Variants in KIAA1549L observed in about 807,000 individuals in gnomAD.
KIAA1549L encodes the protein UPF0606 protein KIAA1549L.
In KIAA1549L, 88 loss-of-function variants were observed where a neutral mutation model predicts 160.7. That is an observed-to-expected ratio of 0.55 (90% confidence interval 0.46 to 0.65). The LOEUF is 0.65. KIAA1549L is among the 30% of genes least tolerant of loss of function. KIAA1549L has a pLI of 0.00. For missense variants in KIAA1549L, 2,258 were observed against 2,437.5 expected, an observed-to-expected ratio of 0.93 and a Z score of 1.55; for synonymous variants, 950 against 976.7, an observed-to-expected ratio of 0.97 and a Z score of 0.51.
At chr11:33,515,220 CTCTT>C (rs2133113447) in intron 1 of KIAA1549L, among the ~76,000 whole-genome samples, 1 of 152,332 alleles carries the variant, frequency 6.6e-6, no homozygotes, top group South Asian at 2.1e-4. Flanking sequence ...CAGCTAATAT[CTCTT>C]TCTCTTCTTA....
At position 33,668,417 on chromosome 11, in the gene KIAA1549L, G is replaced by C; in HGVS notation, c.*263G>C. 5.9e-6 allele frequency: 3 copies of C among 510,334 alleles called. No homozygotes were observed. The highest frequency in any genetic ancestry group is 1.1e-5 in the Non-Finnish European group (3 of 284,680). The allele number at this position is 510,334 out of a possible 1,614,324, so 31.6% of individuals were successfully genotyped here. A position where few individuals can be genotyped will look rare whatever the true frequency, so the allele number is the denominator to read the frequency against. On this transcript the variant is annotated 3_prime_UTR_variant, in exon 21 of 21. Transcript: ENST00000658780. ...TCTCATGTCAAATGTTTGAACTTTG[G>C]GCATGTGCCCTATGGAAGCTTAGTC...
Position 33,542,726 on chromosome 11 carries a change from A to G in KIAA1549L, c.1163A>G (p.Gln388Arg). Residue 388 changes from glutamine to arginine, a missense_variant, in exon 2 of 21, where the codon CAG becomes CGG. Physicochemically the swap from Gln to Arg is conservative, Grantham distance 43. Transcript: ENST00000658780. ...EVASGPASTQ[Q>R]IKAGVPGRVH... The stretch of plus-strand genomic sequence containing the variant: ...GCTTCAGGTCCTGCATCCACCCAGC[A>G]GATCAAAGCTGGGGTGCCTGGAAGA... 6.2e-7 allele frequency: 1 copy of G among 1,614,046 alleles called. No individual in the cohort carries two copies. Among genetic ancestry groups the G allele is most frequent in the Non-Finnish European group, 8.5e-7 (1 of 1,179,876 alleles).
chr11:33,641,570 C>CTG (rs1487315470), intron 16 of KIAA1549L, among the ~76,000 whole-genome samples: 1 of 55,906 alleles, frequency 1.8e-5, no homozygotes, highest in East Asian at 6.0e-4. Context: ...GGTAATGGAT[C>CTG]TGTATATATA....
At chr11:33,660,028 G>T (rs112406583) in intron 19 of KIAA1549L, among the ~76,000 whole-genome samples, 3,451 of 152,352 alleles carry the variant, frequency 0.023, 161 homozygotes, top group South Asian at 0.13. Context: ...AGGCCTAGTG[G>T]GCGGGGTGCT....
intron 1 of KIAA1549L, among the ~76,000 whole-genome samples, chr11:33,461,684 C>T (rs1055029494): frequency 3.9e-5 from 6 of 152,200 alleles, no homozygotes; most frequent in Non-Finnish European, 5.9e-5. Flanking sequence ...ATAATAAAAT[C>T]AGCCAACATT....
chr11:33,629,406 C>G (rs1851211865), intron 16 of KIAA1549L, among the ~76,000 whole-genome samples: 1 of 152,188 alleles, frequency 6.6e-6, no homozygotes, highest in South Asian at 2.1e-4. Flanking sequence ...TCCATTCTCC[C>G]CATGACTTTC....
At chr11:33,561,949 A>T (rs566964434) in intron 8 of KIAA1549L, among the ~76,000 whole-genome samples, 1 of 152,392 alleles carries the variant, frequency 6.6e-6, no homozygotes. Flanking sequence ...AATTCAAAAC[A>T]GCTTTCAAGT....
chr11:33,584,494 G>A (rs1380430501), intron 11 of KIAA1549L, among the ~76,000 whole-genome samples: 7 of 152,192 alleles, frequency 4.6e-5, no homozygotes, highest in African/African-American at 1.7e-4. Flanking sequence ...AAATGGACTA[G>A]GACATGCTGC....
chr11:33,453,889 C>G (rs2132979751), intron 1 of KIAA1549L, among the ~76,000 whole-genome samples: 1 of 152,282 alleles, frequency 6.6e-6, no homozygotes, highest in Middle Eastern at 3.4e-3. Context: ...CAGTTGCACC[C>G]TTCCAGGTGA....
At chr11:33,520,565 A>G (rs560436635) in intron 1 of KIAA1549L, among the ~76,000 whole-genome samples, 10 of 152,274 alleles carry the variant, frequency 6.6e-5, no homozygotes, top group African/African-American at 2.4e-4. Flanking sequence ...GCATTAACAA[A>G]ACAATAGCTA....
At chr11:33,625,541 G>C (rs907108726) in intron 16 of KIAA1549L, among the ~76,000 whole-genome samples, 1 of 152,106 alleles carries the variant, frequency 6.6e-6, no homozygotes, top group African/African-American at 2.4e-5. Context: ...GTGTTTTTTG[G>C]CTGCATAAAT....
chr11:33,487,955 C>T (rs1354294888), intron 1 of KIAA1549L, among the ~76,000 whole-genome samples: 1 of 152,178 alleles, frequency 6.6e-6, no homozygotes, highest in Non-Finnish European at 1.5e-5. Context: ...CCTCCCTTTC[C>T]CATCCCTGGG....
At chr11:33,599,714 C>G (rs1361765739) in intron 13 of KIAA1549L, among the ~76,000 whole-genome samples, 2 of 152,172 alleles carry the variant, frequency 1.3e-5, no homozygotes, top group Non-Finnish European at 2.9e-5. Context: ...TCTCCTGTTC[C>G]CACCTTGGTT....
At chr11:33,579,966 A>T (rs1399116661) in intron 10 of KIAA1549L, among the ~76,000 whole-genome samples, 1 of 152,094 alleles carries the variant, frequency 6.6e-6, no homozygotes, top group Non-Finnish European at 1.5e-5. Flanking sequence ...AGAGAGTCAC[A>T]GTGTTGAATA....
chr11:33,404,454 G>T (rs569437561), intron 1 of KIAA1549L, among the ~76,000 whole-genome samples: 1 of 152,210 alleles, frequency 6.6e-6, no homozygotes, highest in Non-Finnish European at 1.5e-5. Context: ...AACCCAGGAG[G>T]GGGAGGTTGT....
chr11:33,494,097 T>A (rs1852758919), intron 1 of KIAA1549L, among the ~76,000 whole-genome samples: 1 of 152,202 alleles, frequency 6.6e-6, no homozygotes, highest in Non-Finnish European at 1.5e-5. Context: ...CATGCCTAAT[T>A]TGCCATCCTT....
chr11:33,615,916 G>C (rs188958973), intron 15 of KIAA1549L, among the ~76,000 whole-genome samples: 1 of 152,152 alleles, frequency 6.6e-6, no homozygotes, highest in Non-Finnish European at 1.5e-5. Flanking sequence ...AATTCCTCTC[G>C]AGTCTGCAGA....
At chr11:33,409,620 T>A (rs1554974531) in intron 1 of KIAA1549L, among the ~76,000 whole-genome samples, 3 of 152,222 alleles carry the variant, frequency 2.0e-5, no homozygotes, top group Non-Finnish European at 4.4e-5. Flanking sequence ...TCATTCTGCT[T>A]ACTTTTTCCT....
chr11:33,502,920 T>A (rs1454010211), intron 1 of KIAA1549L, among the ~76,000 whole-genome samples: 2 of 152,368 alleles, frequency 1.3e-5, no homozygotes, highest in East Asian at 3.9e-4. Flanking sequence ...GCACAGTGGC[T>A]ACCAATGGTA....
Sources: gnomAD v4.1 joint callset for allele counts (sites outside exome capture counted in the v4.1 genomes callset) on GRCh38, gnomAD v4.1.1 for gene constraint, MANE v1.5 for transcripts, NCBI Gene and HGNC (gene_info 2026-07-23, HGNC 2026-07-21) for gene names.